Variants in SQOR observed in about 807,000 individuals in gnomAD.
The protein encoded by SQOR is sulfide:quinone oxidoreductase, mitochondrial.
A neutral mutation model predicts 48.6 loss-of-function variants in SQOR; 39 were observed. That is an observed-to-expected ratio of 0.80 (90% CI 0.62 to 1.05). The LOEUF (loss-of-function observed/expected upper bound fraction) is 1.05, where lower values mean the gene tolerates loss of function less well. Among genes scored for constraint, SQOR ranks in the 50% least tolerant of loss-of-function variants. The probability of loss-of-function intolerance (pLI) is 0.00; values close to 1 mark genes in which losing one functional copy is unlikely to be tolerated. For missense variants in SQOR, 561 were observed against 559.9 expected, an observed-to-expected ratio of 1.00 and a Z score of -0.02; for synonymous variants, 220 against 206.2, an observed-to-expected ratio of 1.07 and a Z score of -0.57.
intron 3 of SQOR, among the ~76,000 whole-genome samples, chr15:45,664,627 G>A (rs1014790244): frequency 6.6e-6 from 1 of 152,138 alleles, no homozygotes; most frequent in African/African-American, 2.4e-5. Context: ...ATCTCATGCT[G>A]CATAAGTTAG....
chr15:45,659,151 C>T lies in SQOR; in HGVS notation c.228C>T (p.Pro76=). 1.3e-6 allele frequency: 2 copies of T among 1,528,360 alleles called. No homozygotes were observed. Among genetic ancestry groups the T allele is most frequent in the South Asian group, 2.5e-5 (2 of 79,626 alleles). 94.7% of individuals were successfully genotyped at this position (1,528,360 alleles called of 1,614,324 possible). Residue 76 remains proline (P), a synonymous_variant, in exon 2 of 10, where the codon CCC becomes CCT. Transcript: ENST00000260324. ...VGAENVAIVE[P]SERHFYQPIW... The stretch of plus-strand genomic sequence containing the variant: ...CAGAGAATGTGGCCATTGTTGAGCC[C>T]AGTGAGGTAAGCCTCCCCTTTTGAG...
chr15:45,682,738 T>A, intron 7 of SQOR, 77 bp downstream of exon 7: 1 of 1,534,580 alleles, frequency 6.5e-7, no homozygotes, highest in Non-Finnish European at 8.9e-7. Context: ...AAACACAAGC[T>A]TGGCATCGGC....
intron 1 of SQOR, among the ~76,000 whole-genome samples, chr15:45,653,391 T>C (rs1270389547): frequency 6.6e-6 from 1 of 152,008 alleles, no homozygotes; most frequent in Non-Finnish European, 1.5e-5. Flanking sequence ...GGGAACACTC[T>C]ACCTCAGTTT....
intron 1 of SQOR, among the ~76,000 whole-genome samples, chr15:45,656,492 A>T (rs1302483455): frequency 6.6e-6 from 1 of 150,866 alleles, no homozygotes; most frequent in Non-Finnish European, 1.5e-5. Flanking sequence ...GGGTTTCCCC[A>T]TGTTTTCCAT....
At chr15:45,634,044 C>T (rs962498477), upstream of SQOR, among the ~76,000 whole-genome samples, 1 of 149,786 alleles carries the variant, frequency 6.7e-6, no homozygotes, top group African/African-American at 2.5e-5. Context: ...GGCATGGTGG[C>T]ACACACCTGT....
intron 1 of SQOR, among the ~76,000 whole-genome samples, chr15:45,647,960 A>AT (rs941803291): frequency 6.6e-6 from 1 of 152,102 alleles, no homozygotes; most frequent in African/African-American, 2.4e-5. Context: ...GCCAACAGGC[A>AT]TTTTTCCTGA....
intron 1 of SQOR, among the ~76,000 whole-genome samples, chr15:45,645,034 A>G (rs1895179845): frequency 6.6e-6 from 1 of 152,232 alleles, no homozygotes; most frequent in Non-Finnish European, 1.5e-5. Context: ...AAACCATAAA[A>G]AAATACAGAC....
At chr15:45,650,046 T>G (rs367543743) in intron 1 of SQOR, among the ~76,000 whole-genome samples, 14 of 152,032 alleles carry the variant, frequency 9.2e-5, no homozygotes, top group African/African-American at 2.9e-4. Flanking sequence ...TTTCACCATG[T>G]TGGCCAGGCT....
At chr15:45,690,076 TTCC>T (rs1392648544) in intron 9 of SQOR, among the ~76,000 whole-genome samples, 1 of 120,140 alleles carries the variant, frequency 8.3e-6, no homozygotes, top group African/African-American at 3.1e-5. Context: ...GTAATTCCTC[TTCC>T]TCCTTTTTTT....
chr15:45,631,970 G>A (rs908135618), upstream of SQOR: 2 of 152,224 alleles, frequency 1.3e-5, no homozygotes, highest in African/African-American at 4.8e-5. Context: ...GACACAGAAG[G>A]CAAGGACTCA....
intron 4 of SQOR, 135 bp from the exon 5 acceptor site, chr15:45,673,472 C>T: frequency 1.0e-6 from 1 of 960,162 alleles, no homozygotes. Flanking sequence ...ACCCACCTGC[C>T]TGCTCTAGGC....
At chr15:45,650,610 C>T (rs1003421626) in intron 1 of SQOR, among the ~76,000 whole-genome samples, 2 of 152,208 alleles carry the variant, frequency 1.3e-5, no homozygotes, top group Non-Finnish European at 1.5e-5. Context: ...CTTTTATTCC[C>T]TTATCTGGCC....
rs531641700 is a variant in SQOR at position 45,651,481 on chromosome 15, T to C, written c.-17-7426T>C. Among the ~76,000 whole-genome samples, 5 of 152,370 alleles carry C rather than the reference T, an allele frequency of 3.3e-5. No individual in the cohort carries two copies. The South Asian group carries it at 1.0e-3, about 32-fold the overall frequency. ...GCGCAGTGGCGGCCTGAAGGGCTCC[T>C]TGAGCATGGCCAGAGCGGATGCCAA... On this transcript the variant is annotated intron_variant, in intron 1 of 9. Coordinates refer to ENST00000260324, the MANE Select transcript of SQOR (RefSeq NM_021199.4).
chr15:45,668,246 A>G (rs1889874518), intron 3 of SQOR, among the ~76,000 whole-genome samples: 1 of 152,144 alleles, frequency 6.6e-6, no homozygotes, highest in Non-Finnish European at 1.5e-5. Flanking sequence ...ACTGGCCAAG[A>G]CATCATCTTT....
rs551422072 is a variant in SQOR at position 45,686,566 on chromosome 15, G to A, written c.1049-1771G>A. On this transcript the variant is annotated intron_variant, in intron 7 of 9. Coordinates refer to ENST00000260324, the MANE Select transcript of SQOR (RefSeq NM_021199.4). Reference sequence around the variant, plus strand: ...GACATCAGCAAACTATAGCTTATGGGGCAATGCAGTCCACTGCCTGTTTTT... The same window carrying A: ...GACATCAGCAAACTATAGCTTATGGAGCAATGCAGTCCACTGCCTGTTTTT... Among the ~76,000 whole-genome samples the A allele has an allele frequency of 1.4e-3, 209 of 152,338 alleles. 1 individual carries two copies. Among genetic ancestry groups the A allele is most frequent in the African/African-American group, 4.8e-3 (200 of 41,576 alleles).
chr15:45,661,689 C>T (rs1889723651), intron 2 of SQOR, among the ~76,000 whole-genome samples: 1 of 152,188 alleles, frequency 6.6e-6, no homozygotes, highest in Admixed American at 6.5e-5. Flanking sequence ...AATCAACTTT[C>T]AGCAATACAT....
intron 3 of SQOR, among the ~76,000 whole-genome samples, chr15:45,668,679 C>T (rs968630385): frequency 2.6e-5 from 4 of 152,192 alleles, no homozygotes; most frequent in African/African-American, 9.7e-5. Context: ...TCTTGGAGTC[C>T]TCTCTCTCCA....
At chr15:45,635,334 CAG>C (rs1167015404) in intron 1 of SQOR, among the ~76,000 whole-genome samples, 1 of 152,224 alleles carries the variant, frequency 6.6e-6, no homozygotes, top group Non-Finnish European at 1.5e-5. Flanking sequence ...GCTTCCTTCT[CAG>C]AGTGTCAGAG....
chr15:45,688,996 GA>G (rs766711461), intron 8 of SQOR, 42 bp from the exon 9 acceptor site: 20 of 1,569,852 alleles, frequency 1.3e-5, no homozygotes, highest in Non-Finnish European at 1.7e-5. Context: ...ATAGTACCAT[GA>G]AAAAAATCTA....
Sources: gnomAD v4.1 joint callset for allele counts (sites outside exome capture counted in the v4.1 genomes callset) on GRCh38, gnomAD v4.1.1 for gene constraint, MANE v1.5 for transcripts, NCBI Gene and HGNC (gene_info 2026-07-23, HGNC 2026-07-21) for gene names.